ZNF562: variants seen among roughly 807,000 people sequenced by gnomAD.
ZNF562 encodes the protein zinc finger protein 562.
In ZNF562, 13 loss-of-function variants were observed where a neutral mutation model predicts 17.5. The observed-to-expected ratio is 0.74, with a 90% confidence interval of 0.48 to 1.18. The LOEUF (loss-of-function observed/expected upper bound fraction) is 1.18, where lower values mean the gene tolerates loss of function less well. Among genes scored for constraint, ZNF562 ranks in the 50% most tolerant of loss-of-function variants. The pLI is 0.00. For synonymous variants in ZNF562, 163 were observed against 165.4 expected (o/e 0.99, Z 0.11); for missense variants, 481 against 498.5 (o/e 0.96, Z 0.33).
intron 1 of ZNF562, among the ~76,000 whole-genome samples, chr19:9,661,778 G>A (rs1177350253): frequency 6.6e-6 from 1 of 152,140 alleles, no homozygotes; most frequent in Non-Finnish European, 1.5e-5. Flanking sequence ...CCAGGTGACA[G>A]TGCGAGACTC....
intron 1 of ZNF562, among the ~76,000 whole-genome samples, chr19:9,668,177 A>G (rs2044021910): frequency 6.6e-6 from 1 of 152,108 alleles, no homozygotes; most frequent in South Asian, 2.1e-4. Flanking sequence ...ACAGTTCAAG[A>G]CCAGCCTGGG....
rs1196799329 is a variant in ZNF562 at position 9,647,231 on chromosome 19, A to G, written c.*5718T>C. The G allele has an allele frequency of 6.6e-6, 1 of 151,898 alleles. No homozygotes were observed. Among genetic ancestry groups the G allele is most frequent in the Non-Finnish European group, 1.5e-5 (1 of 68,078 alleles). 9.4% of individuals were successfully genotyped at this position (151,898 alleles called of 1,614,324 possible). A position where few individuals can be genotyped will look rare whatever the true frequency, so the allele number is the denominator to read the frequency against. On this transcript the variant is annotated 3_prime_UTR_variant, in exon 6 of 6. Coordinates refer to ENST00000453372, the MANE Select transcript of ZNF562 (RefSeq NM_001130031.2). ...TGAGTAGCTGGGATTACAGGGGCACAATACCGTGCCCAGCTAATTTTTGTA... is the reference window on the plus strand; with the variant it reads ...TGAGTAGCTGGGATTACAGGGGCACGATACCGTGCCCAGCTAATTTTTGTA...
In ZNF562 at chr19:9,662,939, G is replaced by A. The variant is rs538636033; in HGVS notation, c.-130-2065C>T. On this transcript the variant is annotated intron_variant, in intron 1 of 5. Coordinates refer to ENST00000453372, the MANE Select transcript of ZNF562 (RefSeq NM_001130031.2). ...TAAGGCAGGAGAATCACTCGAACCC[G>A]GGAGGTGCCCACCTCAGCCTCCCAA... Among the ~76,000 whole-genome samples, 530 of 151,638 alleles carry A rather than the reference G, an allele frequency of 3.5e-3. 2 individuals carry two copies. The highest frequency in any genetic ancestry group is 3.9e-3 in the Admixed American group (59 of 15,220).
intron 1 of ZNF562, among the ~76,000 whole-genome samples, chr19:9,674,005 A>G (rs896045238): frequency 2.6e-5 from 4 of 152,238 alleles, no homozygotes; most frequent in Non-Finnish European, 4.4e-5. Context: ...ACTTCTACAG[A>G]AGGGTGTGCC....
rs1024767434 is a variant in ZNF562 at position 9,647,937 on chromosome 19, G to A, written c.*5012C>T. 3.3e-5 allele frequency: 5 copies of A among 152,108 alleles called. No individual in the cohort carries two copies. Among genetic ancestry groups the A allele is most frequent in the African/African-American group, 1.2e-4 (5 of 41,404 alleles). 9.4% of individuals were successfully genotyped at this position (152,108 alleles called of 1,614,324 possible). On this transcript the variant is annotated 3_prime_UTR_variant, in exon 6 of 6. Transcript: ENST00000453372. The stretch of plus-strand genomic sequence containing the variant: ...TTGTAGTATTTTTAAATAGAGATGT[G>A]GTTTCGCTATGTTGCCCAGGCTGGT...
chr19:9,653,713 G>C lies in ZNF562; in HGVS notation c.517C>G (p.Gln173Glu). Residue 173 changes from glutamine to glutamate, a missense_variant, in exon 6 of 6, where the codon CAA becomes GAA. Gln to Glu is a conservative substitution (Grantham distance 29). Around this residue, in one of 2 missense-constraint regions of ZNF562, gnomAD observed 403 missense variants for 386.4 expected, o/e 1.04. Coordinates refer to ENST00000453372, the MANE Select transcript of ZNF562 (RefSeq NM_001130031.2). ...CATGGATTAAATTTGGAAAGTTCTT[G>C]TCCAATAGAGGCTTCCTTGTGCACA... Reference protein sequence around the residue: ...ISVHKEASIGQELSKFNPCGK... With the variant: ...ISVHKEASIGEELSKFNPCGK... 6.2e-7 allele frequency: 1 copy of C among 1,614,050 alleles called. No homozygotes were observed. The highest frequency in any genetic ancestry group is 8.5e-7 in the Non-Finnish European group (1 of 1,179,924).
intron 1 of ZNF562, among the ~76,000 whole-genome samples, chr19:9,664,919 G>A (rs2043890199): frequency 6.6e-6 from 1 of 151,980 alleles, no homozygotes; most frequent in East Asian, 1.9e-4. Context: ...ATGCACACAT[G>A]TGCTTTAAAA....
chr19:9,648,220 A>G lies in ZNF562; in HGVS notation c.*4729T>C, dbSNP rs933152116. 1 of 152,246 alleles carries G rather than the reference A, an allele frequency of 6.6e-6. No individual in the cohort carries two copies. The highest frequency in any genetic ancestry group is 1.5e-5 in the Non-Finnish European group (1 of 68,040). 9.4% of individuals were successfully genotyped at this position (152,246 alleles called of 1,614,324 possible). A position where few individuals can be genotyped will look rare whatever the true frequency, so the allele number is the denominator to read the frequency against. ...GTCATGAAGTATTTTTAAGTGATCC[A>G]TTATGTCACAGTCGAGCTTATCCAG... On this transcript the variant is annotated 3_prime_UTR_variant, in exon 6 of 6. Coordinates refer to ENST00000453372, the MANE Select transcript of ZNF562 (RefSeq NM_001130031.2).
intron 1 of ZNF562, among the ~76,000 whole-genome samples, chr19:9,674,233 CAGG>C (rs1395879012): frequency 6.6e-6 from 1 of 151,494 alleles, no homozygotes; most frequent in Admixed American, 6.6e-5. Flanking sequence ...TGGAATGAGT[CAGG>C]GTGGAAAATG....
At chr19:9,661,533 T>C (rs1219276380) in intron 1 of ZNF562, among the ~76,000 whole-genome samples, 1 of 152,058 alleles carries the variant, frequency 6.6e-6, no homozygotes, top group Non-Finnish European at 1.5e-5. Flanking sequence ...CGGTGGCTCA[T>C]GCCTGTAATC....
chr19:9,659,962 A>C lies in ZNF562; in HGVS notation c.26-495T>G, dbSNP rs1218091747. ...AAAAAAAAAAAAAAAAAAAAAAAAAAAAAAAAAAAAAAAAAACTACAGGAG... is the reference window on the plus strand; with the variant it reads ...AAAAAAAAAAAAAAAAAAAAAAAAACAAAAAAAAAAAAAAAACTACAGGAG... On this transcript the variant is annotated intron_variant, in intron 2 of 5. Coordinates refer to ENST00000453372, the MANE Select transcript of ZNF562 (RefSeq NM_001130031.2). Among the ~76,000 whole-genome samples, 4 of 135,664 alleles carry C rather than the reference A, an allele frequency of 2.9e-5. No homozygotes were observed. In the South Asian group the frequency reaches 9.6e-4, roughly 32 times the overall value. The allele number at this position is 135,664 out of a possible 152,430, so 89.0% of individuals were successfully genotyped here.
chr19:9,673,459 G>A (rs1284239110), intron 1 of ZNF562, among the ~76,000 whole-genome samples: 3 of 151,794 alleles, frequency 2.0e-5, no homozygotes, highest in African/African-American at 4.8e-5. Flanking sequence ...CACCAAGCCC[G>A]GCTAATTTTT....
chr19:9,671,483 GA>G (rs901061412), intron 1 of ZNF562, among the ~76,000 whole-genome samples: 2 of 151,656 alleles, frequency 1.3e-5, no homozygotes, highest in African/African-American at 2.4e-5. Context: ...CTCAAAAAAA[GA>G]AAAAAAACCC....
At chr19:9,663,248 CAA>C (rs59452070) in intron 1 of ZNF562, among the ~76,000 whole-genome samples, 20 of 129,886 alleles carry the variant, frequency 1.5e-4, no homozygotes, top group African/African-American at 4.1e-4. Context: ...ACTAAAAATA[CAA>C]AAAAAAAAAA....
At chr19:9,663,273 T>G (rs1340105491) in intron 1 of ZNF562, among the ~76,000 whole-genome samples, 1 of 142,766 alleles carries the variant, frequency 7.0e-6, no homozygotes, top group Admixed American at 6.9e-5. Flanking sequence ...TTGCCAGGCA[T>G]GGTGGCAGGC....
rs2043644452 is a variant in ZNF562 at position 9,659,566 on chromosome 19, A to G, written c.26-99T>C. The stretch of plus-strand genomic sequence containing the variant: ...GCTTGAAATTCCCATATGCTCCTGC[A>G]CACTCGAAAAAACTACACACACACA... On this transcript the variant is annotated intron_variant, in intron 2 of 5. Transcript: ENST00000453372. 5.6e-6 allele frequency: 8 copies of G among 1,421,228 alleles called. No individual in the cohort carries two copies. In the South Asian group the frequency reaches 1.1e-4, roughly 19 times the overall value. The allele number at this position is 1,421,228 out of a possible 1,614,324, so 88.0% of individuals were successfully genotyped here.
intron 3 of ZNF562, chr19:9,658,404 C>T: frequency 1.1e-6 from 1 of 944,082 alleles, no homozygotes; most frequent in Non-Finnish European, 1.3e-6. Flanking sequence ...GGCTGGAGTG[C>T]AATGGCACGA....
chr19:9,667,904 A>G lies in ZNF562; in HGVS notation c.-130-7030T>C, dbSNP rs1227925762. Among the ~76,000 whole-genome samples, 5 of 152,266 alleles carry G rather than the reference A, an allele frequency of 3.3e-5. No individual in the cohort carries two copies. The East Asian group carries it at 5.8e-4, about 18-fold the overall frequency. Reference sequence around the variant, plus strand: ...GCCACCATGCTCAGCTGACATAATCATATTTAGAAAAACCTAAAGACTCTA... The same window carrying G: ...GCCACCATGCTCAGCTGACATAATCGTATTTAGAAAAACCTAAAGACTCTA... On this transcript the variant is annotated intron_variant, in intron 1 of 5. Transcript: ENST00000453372.
rs2043356293 is a variant in ZNF562, at chr19:9,653,772, A to G, written c.458T>C (p.Phe153Ser). 6.2e-7 allele frequency: 1 copy of G among 1,614,078 alleles called. No homozygotes were observed. Among genetic ancestry groups the G allele is most frequent in the Non-Finnish European group, 8.5e-7 (1 of 1,179,984 alleles). The change falls in exon 6 of 6, where the codon TTT (phenylalanine) becomes TCT (serine). Residue 153 changes from phenylalanine to serine, a missense_variant. Physicochemically the swap from Phe to Ser is radical, Grantham distance 155. This residue lies in a region of ZNF562 where 403 missense variants were observed against 386.4 expected (regional missense o/e 1.04). Transcript: ENST00000453372. Reference protein sequence around the residue: ...HMRAQNGGNTFEGNCYGKDSI... With the variant: ...HMRAQNGGNTSEGNCYGKDSI... ...GTCTTTTCCATAACAATTACCCTCA[A>G]AAGTGTTCCCTCCATTCTGAGCTCT...
Sources: gnomAD v4.1 joint callset for allele counts (sites outside exome capture counted in the v4.1 genomes callset) on GRCh38, gnomAD v4.1.1 for gene constraint, gnomAD v4.1.1 regional missense constraint, MANE v1.5 for transcripts, NCBI Gene and HGNC (gene_info 2026-07-23, HGNC 2026-07-21) for gene names.